The following EPHA4 variants were observed in gnomAD, a reference collection of about 807,000 sequenced individuals.
The protein encoded by EPHA4 is EPH receptor A4.
A neutral mutation model predicts 108.3 loss-of-function variants in EPHA4; 19 were observed. The observed-to-expected ratio is 0.18, with a 90% CI of 0.12 to 0.26. The LOEUF (loss-of-function observed/expected upper bound fraction) is 0.26. Among genes scored for constraint, EPHA4 ranks in the 10% least tolerant of loss-of-function variants. EPHA4 has a pLI of 1.00. For missense variants in EPHA4, 917 were observed against 1,254.0 expected (o/e 0.73, Z 4.06); for synonymous variants, 449 against 455.5 (o/e 0.99, Z 0.18).
intron 5 of EPHA4, among the ~76,000 whole-genome samples, chr2:221,466,289 A>G (rs1691312503): frequency 6.6e-6 from 1 of 152,238 alleles, no homozygotes; most frequent in Non-Finnish European, 1.5e-5. Flanking sequence ...GAGTTAATTT[A>G]GTTTTCACTG....
At chr2:221,522,773 A>ATTTT in intron 3 of EPHA4, among the ~76,000 whole-genome samples, 1 of 123,218 alleles carries the variant, frequency 8.1e-6, no homozygotes, top group Non-Finnish European at 1.8e-5. Flanking sequence ...TATTATTATT[A>ATTTT]TTTTTTTGAG....
chr2:221,426,071 C>T lies in EPHA4; in HGVS notation c.2918G>A (p.Arg973Gln), dbSNP rs140023331. The part of the protein sequence containing the change: ...NKILSSVQAM[R>Q]TQMQQMHGRM... ...GCCGTGCATCTGCTGCATTTGGGTT[C>T]GCATTGCCTGGACACTGCTCAAAAT... is the stretch of plus-strand genomic sequence containing the variant. The change falls in exon 17 of 18, where the codon CGA becomes CAA. Residue 973 changes from arginine (R) to glutamine (Q), a missense_variant. Physicochemically the swap from Arg to Gln is conservative, Grantham distance 43. Around this residue, in one of 3 missense-constraint regions of EPHA4, gnomAD observed 26 missense variants for 44.4 expected, o/e 0.59. Coordinates refer to ENST00000281821, the MANE Select transcript of EPHA4 (RefSeq NM_004438.5). 62 of 1,613,894 alleles carry T rather than the reference C, an allele frequency of 3.8e-5. No individual in the cohort carries two copies. Among genetic ancestry groups the T allele is most frequent in the Non-Finnish European group, 4.9e-5 (58 of 1,180,022 alleles).
chr2:221,570,908 T>C (rs1694816235), intron 1 of EPHA4, among the ~76,000 whole-genome samples: 1 of 151,602 alleles, frequency 6.6e-6, no homozygotes, highest in African/African-American at 2.4e-5. Context: ...CATGGATGGA[T>C]AGATAGACGG....
At chr2:221,470,623 A>G (rs530732431) in intron 5 of EPHA4, among the ~76,000 whole-genome samples, 1 of 110,514 alleles carries the variant, frequency 9.0e-6, no homozygotes, top group African/African-American at 3.8e-5. Context: ...GCTTTTCCCT[A>G]AAGTATCACT....
At chr2:221,566,872 A>AAGAAGAAGAAGAAGAAGG (rs1553595907) in intron 2 of EPHA4, among the ~76,000 whole-genome samples, 1 of 41,604 alleles carries the variant, frequency 2.4e-5, no homozygotes, top group African/African-American at 1.0e-4. Context: ...GAAGAAGAAG[A>AAGAAGAAGAAGAAGAAGG]AGAAGGAGAA....
At chr2:221,488,165 T>C (rs1482129336) in intron 4 of EPHA4, among the ~76,000 whole-genome samples, 1 of 152,146 alleles carries the variant, frequency 6.6e-6, no homozygotes, top group Non-Finnish European at 1.5e-5. Context: ...AGAAAACTTA[T>C]TTGCAAAAAT....
At chr2:221,496,401 G>C (rs975103398) in intron 4 of EPHA4, among the ~76,000 whole-genome samples, 2 of 152,112 alleles carry the variant, frequency 1.3e-5, no homozygotes, top group Non-Finnish European at 2.9e-5. Flanking sequence ...AGTGTCTACA[G>C]TACTAGACAA....
intron 8 of EPHA4, among the ~76,000 whole-genome samples, chr2:221,452,632 G>T (rs1048314811): frequency 3.3e-5 from 5 of 152,162 alleles, no homozygotes; most frequent in African/African-American, 7.2e-5. Context: ...TGAGGGCAAG[G>T]GGTTGACATT....
intron 3 of EPHA4, among the ~76,000 whole-genome samples, chr2:221,530,767 C>T (rs1693489821): frequency 6.6e-6 from 1 of 152,154 alleles, no homozygotes; most frequent in Non-Finnish European, 1.5e-5. Context: ...AGGGAAGAAT[C>T]ACAGCAGGAC....
intron 3 of EPHA4, among the ~76,000 whole-genome samples, chr2:221,506,098 A>T (rs1373952054): frequency 1.3e-5 from 2 of 152,142 alleles, no homozygotes; most frequent in Non-Finnish European, 2.9e-5. Context: ...AGAGAGGCTT[A>T]TAGGTCTCTC....
intron 2 of EPHA4, among the ~76,000 whole-genome samples, chr2:221,566,517 A>G (rs1207621301): frequency 1.3e-5 from 2 of 152,032 alleles, no homozygotes; most frequent in East Asian, 3.9e-4. Context: ...ACTTGACACA[A>G]TTTCTCAATG....
At chr2:221,548,379 T>C (rs1319111981) in intron 3 of EPHA4, among the ~76,000 whole-genome samples, 2 of 147,264 alleles carry the variant, frequency 1.4e-5, no homozygotes, top group Non-Finnish European at 3.0e-5. Flanking sequence ...AAAAAAAGAG[T>C]CTGGGACGTT....
chr2:221,536,729 G>C (rs1001619984), intron 3 of EPHA4, among the ~76,000 whole-genome samples: 3 of 152,202 alleles, frequency 2.0e-5, no homozygotes, highest in Admixed American at 6.5e-5. Flanking sequence ...GTGCTGAAAA[G>C]CAGCCCAGAT....
At chr2:221,499,715 AATATATATATATATATAT>A (rs369326575) in intron 4 of EPHA4, among the ~76,000 whole-genome samples, 1 of 48,452 alleles carries the variant, frequency 2.1e-5, no homozygotes, top group African/African-American at 8.2e-5. Flanking sequence ...AACTAAAACT[AATATATATATATATATAT>A]ATATATATAT....
rs2106099478 is a variant in EPHA4 at position 221,436,934 on chromosome 2, TCTC to T, written c.2136+124_2136+126del. The T allele has an allele frequency of 4.0e-6, 3 of 743,976 alleles. No individual in the cohort carries two copies. The South Asian group carries it at 5.0e-5, about 12-fold the overall frequency. The allele number at this position is 743,976 out of a possible 1,614,324, so 46.1% of individuals were successfully genotyped here. On this transcript the variant is annotated intron_variant, in intron 12 of 17. Coordinates refer to ENST00000281821, the MANE Select transcript of EPHA4 (RefSeq NM_004438.5). Reference sequence around the variant, plus strand: ...CTTAAAAATCACATCATTCTCCATTTCTCCTCTTCTTTCTTTGCCCATTAAAAG... The same window carrying T: ...CTTAAAAATCACATCATTCTCCATTTCTCTTCTTTCTTTGCCCATTAAAAG...
At chr2:221,493,176 A>G (rs967596522) in intron 4 of EPHA4, among the ~76,000 whole-genome samples, 24 of 152,290 alleles carry the variant, frequency 1.6e-4, no homozygotes, top group African/African-American at 4.8e-4. Flanking sequence ...CTCCCCCATC[A>G]TTATATGATT....
intron 3 of EPHA4, among the ~76,000 whole-genome samples, chr2:221,542,019 G>A (rs1295135340): frequency 2.6e-5 from 4 of 152,176 alleles, no homozygotes; most frequent in African/African-American, 4.8e-5. Context: ...ACAGAAAGCA[G>A]AATGAATGCT....
chr2:221,527,846 C>G (rs539990492), intron 3 of EPHA4, among the ~76,000 whole-genome samples: 5 of 152,016 alleles, frequency 3.3e-5, no homozygotes, highest in Non-Finnish European at 5.9e-5. Context: ...AAGGAACTGT[C>G]GGAGCAGGGT....
intron 15 of EPHA4, 88 bp from the exon 16 acceptor site, chr2:221,426,707 G>A (rs1023482188): frequency 8.3e-7 from 1 of 1,209,340 alleles, no homozygotes; most frequent in Non-Finnish European, 1.2e-6. Flanking sequence ...AATAGGCAAG[G>A]AGAACTGAAA....
Sources: gnomAD v4.1 joint callset for allele counts (sites outside exome capture counted in the v4.1 genomes callset) on GRCh38, gnomAD v4.1.1 for gene constraint, gnomAD v4.1.1 regional missense constraint, MANE v1.5 for transcripts, NCBI Gene and HGNC (gene_info 2026-07-23, HGNC 2026-07-21) for gene names.